Variants in RAB11FIP5 observed in about 807,000 individuals in gnomAD.
RAB11FIP5 encodes the protein rab11 family-interacting protein 5.
A neutral mutation model predicts 85.1 loss-of-function variants in RAB11FIP5; 48 were observed. That is an observed-to-expected ratio of 0.56 (90% CI 0.45 to 0.72). The LOEUF is 0.72. Ranked by LOEUF, RAB11FIP5 falls within the 30% of genes least tolerant of loss-of-function variation. The pLI is 0.00. For missense variants in RAB11FIP5, 1,491 were observed against 1,687.0 expected, an observed-to-expected ratio of 0.88 and a Z score of 2.04; for synonymous variants, 729 against 727.3, an observed-to-expected ratio of 1.00 and a Z score of -0.04.
Position 73,112,394 on chromosome 2 carries a change from C to G in RAB11FIP5, c.384G>C (p.Thr128=), listed in dbSNP as rs772589778. The G allele has an allele frequency of 4.4e-6, 7 of 1,601,136 alleles. No homozygotes were observed. In the Admixed American group the frequency reaches 6.7e-5, roughly 15 times the overall value. Residue 128 remains threonine (T), a synonymous_variant, in exon 1 of 6, where the codon ACG becomes ACC. Transcript: ENST00000486777. The part of the protein sequence containing the change: ...IGVDKFLGQA[T]VALDEVFGAG... ...CGCCGAAGACCTCGTCCAGCGCCACCGTGGCCTGGCCCAGGAACTTGTCGA... is the reference window on the plus strand; with the variant it reads ...CGCCGAAGACCTCGTCCAGCGCCACGGTGGCCTGGCCCAGGAACTTGTCGA...
chr2:73,112,707 G>A lies in RAB11FIP5; in HGVS notation c.71C>T (p.Thr24Met), dbSNP rs903561748. ...SRWLPTHVQV[T>M]VLRARGLRGK... ...CCGCAGCCCGCGGGCCCGCAGCACCGTCACCTGGACGTGCGTGGGCAGCCA... is the reference window on the plus strand; with the variant it reads ...CCGCAGCCCGCGGGCCCGCAGCACCATCACCTGGACGTGCGTGGGCAGCCA... The change falls in exon 1 of 6, where the codon ACG becomes ATG. Residue 24 changes from threonine to methionine, a missense_variant. Physicochemically the swap from Thr to Met is moderately conservative, Grantham distance 81. Transcript: ENST00000486777. 5 of 1,561,886 alleles carry A rather than the reference G, an allele frequency of 3.2e-6. No homozygotes were observed. In the East Asian group the frequency reaches 7.3e-5, roughly 23 times the overall value.
At position 73,080,346 on chromosome 2, in the gene RAB11FIP5, G is replaced by C; in HGVS notation, c.2886C>G (p.Asp962Glu). The C allele has an allele frequency of 8.1e-7, 1 of 1,232,806 alleles. No homozygotes were observed. The highest frequency in any genetic ancestry group is 1.0e-6 in the Non-Finnish European group (1 of 988,398). 76.4% of individuals were successfully genotyped at this position (1,232,806 alleles called of 1,614,324 possible). ...EGEKRESEES[D>E]SCSSATLLGQ... ...CCAGCAGGGTTGCAGAGGAGCAGCT[G>C]TCAGACTCCTCCGACTCACGCTTCT... Residue 962 changes from aspartate to glutamate, a missense_variant, in exon 4 of 6, where the codon GAC (aspartate) becomes GAG (glutamate). This residue lies in a region of RAB11FIP5 where 1,211 missense variants were observed against 1,338.0 expected (regional missense o/e 0.91). Coordinates refer to ENST00000486777, the MANE Select transcript of RAB11FIP5 (RefSeq NM_001371272.1).
At chr2:73,092,981 G>T (rs1684246162) in intron 1 of RAB11FIP5, among the ~76,000 whole-genome samples, 1 of 152,138 alleles carries the variant, frequency 6.6e-6, no homozygotes, top group Non-Finnish European at 1.5e-5. Flanking sequence ...AGCTGAGATG[G>T]CCACATCCTC....
chr2:73,079,998 T>C lies in RAB11FIP5; in HGVS notation c.3234A>G (p.Ser1078=). The change falls in exon 4 of 6, where the codon TCA becomes TCG. Residue 1078 remains serine, a synonymous_variant. Coordinates refer to ENST00000486777, the MANE Select transcript of RAB11FIP5 (RefSeq NM_001371272.1). The stretch of plus-strand genomic sequence containing the variant: ...CCCTCGACCCTGGCGGGGATGCAGA[T>C]GAGAGGCTGGGAGGATCTCGGCTCC... The part of the protein sequence containing the change: ...FQGSRDPPSL[S]SASPPGSRES... The C allele has an allele frequency of 1.6e-6, 2 of 1,232,122 alleles. No individual in the cohort carries two copies. Among genetic ancestry groups the C allele is most frequent in the Middle Eastern group, 3.1e-4 (1 of 3,208 alleles). 76.3% of individuals were successfully genotyped at this position (1,232,122 alleles called of 1,614,324 possible). A position where few individuals can be genotyped will look rare whatever the true frequency, so the allele number is the denominator to read the frequency against.
At chr2:73,083,669 T>G (rs1684042386) in intron 3 of RAB11FIP5, among the ~76,000 whole-genome samples, 1 of 152,172 alleles carries the variant, frequency 6.6e-6, no homozygotes, top group South Asian at 2.1e-4. Context: ...TCTCCCTTCA[T>G]TCCAGACAAG....
intron 1 of RAB11FIP5, among the ~76,000 whole-genome samples, chr2:73,111,833 C>A (rs1684661426): frequency 6.6e-6 from 1 of 152,156 alleles, no homozygotes; most frequent in South Asian, 2.1e-4. Context: ...GGCAGATGCC[C>A]CCTGCAGCCA....
intron 3 of RAB11FIP5, among the ~76,000 whole-genome samples, chr2:73,085,700 G>A (rs1004648322): frequency 6.6e-6 from 1 of 152,158 alleles, no homozygotes; most frequent in African/African-American, 2.4e-5. Context: ...TCTCAGCCCT[G>A]TATAGCCTCA....
At position 73,088,574 on chromosome 2, in the gene RAB11FIP5, G is replaced by C; in HGVS notation, c.1044C>G (p.Pro348=). 6.2e-7 allele frequency: 1 copy of C among 1,613,836 alleles called. No homozygotes were observed. The highest frequency in any genetic ancestry group is 8.5e-7 in the Non-Finnish European group (1 of 1,180,042). The change falls in exon 3 of 6, where the codon CCC becomes CCG. Residue 348 remains proline (P), a synonymous_variant. Coordinates refer to ENST00000486777, the MANE Select transcript of RAB11FIP5 (RefSeq NM_001371272.1). Reference sequence around the variant, plus strand: ...AGCTGCGGTGCCGCACAGGGCCCTGGGGCTCCTCATTGTAAATGTGGCTCC... The same window carrying C: ...AGCTGCGGTGCCGCACAGGGCCCTGCGGCTCCTCATTGTAAATGTGGCTCC... ...VNGSHIYNEE[P]QGPVRHRSSI...
Position 73,088,165 on chromosome 2 carries a change from C to G in RAB11FIP5, c.1453G>C (p.Glu485Gln), listed in dbSNP as rs59033238. The G allele has an allele frequency of 4.3e-6, 7 of 1,614,028 alleles. No individual in the cohort carries two copies. Among genetic ancestry groups the G allele is most frequent in the Non-Finnish European group, 5.1e-6 (6 of 1,180,022 alleles). The change falls in exon 3 of 6, where the codon GAA (glutamate) becomes CAA (glutamine). Residue 485 changes from glutamate to glutamine, a missense_variant. By Grantham distance (29) the Glu-to-Gln change is conservative. Transcript: ENST00000486777. Reference protein sequence around the residue: ...SELGRRSSLGEKGGPILGASP... With the variant: ...SELGRRSSLGQKGGPILGASP... ...GCCCCCAGGATGGGACCCCCCTTTT[C>G]CCCCAGAGAGCTTCGGCGACCCAAC...
chr2:73,101,421 G>A (rs1159300719), intron 1 of RAB11FIP5, among the ~76,000 whole-genome samples: 1 of 152,242 alleles, frequency 6.6e-6, no homozygotes, highest in African/African-American at 2.4e-5. Context: ...CAACTTGAAT[G>A]TGGGCTGGAT....
chr2:73,088,917 C>A lies in RAB11FIP5; in HGVS notation c.830G>T (p.Arg277Leu), dbSNP rs372149039. ...YQGPGAELLT[R>L]SPSRSSWLST... ...CAGCCAGCTGCTACGGCTTGGTGAG[C>A]GGGTGAGGAGTTCGGCGCCAGGTCC... Residue 277 changes from arginine (R) to leucine (L), a missense_variant, in exon 2 of 6, where the codon CGC becomes CTC. By Grantham distance (102) the Arg-to-Leu change is moderately radical. Transcript: ENST00000486777. The A allele has an allele frequency of 4.2e-5, 67 of 1,593,318 alleles. No homozygotes were observed. In the African/African-American group the frequency reaches 8.6e-4, roughly 20 times the overall value.
intron 1 of RAB11FIP5, among the ~76,000 whole-genome samples, chr2:73,091,674 G>C (rs201418957): frequency 2.0e-5 from 3 of 152,136 alleles, no homozygotes; most frequent in Non-Finnish European, 4.4e-5. Context: ...GTAGTATTTT[G>C]ATTATTTTTT....
Position 73,081,228 on chromosome 2 carries a change from G to T in RAB11FIP5, c.2004C>A (p.Ile668=), listed in dbSNP as rs1683972216. 1 of 1,232,364 alleles carries T rather than the reference G, an allele frequency of 8.1e-7. No individual in the cohort carries two copies. Among genetic ancestry groups the T allele is most frequent in the Non-Finnish European group, 1.0e-6 (1 of 988,172 alleles). The allele number at this position is 1,232,364 out of a possible 1,614,324, so 76.3% of individuals were successfully genotyped here. Residue 668 remains isoleucine (I), a synonymous_variant, in exon 4 of 6, where the codon ATC becomes ATA. Transcript: ENST00000486777. This position sits in a 1 kb window ranked among gnomAD's most constrained non-coding sequence, Gnocchi z 4.2. ...SRLRPEARSE[I]LAPAGVGLEA... is the part of the protein sequence containing the mutation. ...CCAGCCCCACTCCTGCAGGGGCCAG[G>T]ATCTCGCTCCTGGCCTCTGGACGCA...
rs1042639758 is a variant in RAB11FIP5 at position 73,081,173 on chromosome 2, C to T, written c.2059G>A (p.Gly687Arg). The change falls in exon 4 of 6, where the codon GGG (glycine) becomes AGG (arginine). Residue 687 changes from glycine to arginine, a missense_variant. Physicochemically the swap from Gly to Arg is moderately radical, Grantham distance 125 (BLOSUM62 -2). This residue lies in a region of RAB11FIP5 where 1,211 missense variants were observed against 1,338.0 expected (regional missense o/e 0.91). Transcript: ENST00000486777. The surrounding 1 kb of genome is among the most constrained non-coding windows in gnomAD (Gnocchi z 4.2). ...EAAGLQDPGP[G>R]AMTAKAAEPQ... ...TCAGCTGCCTTCGCAGTCATGGCCC[C>T]AGGGCCTGGGTCTTGCAGCCCTGCC... 5 of 1,232,498 alleles carry T rather than the reference C, an allele frequency of 4.1e-6. No individual in the cohort carries two copies. Among genetic ancestry groups the T allele is most frequent in the East Asian group, 3.2e-5 (1 of 31,714 alleles). The allele number at this position is 1,232,498 out of a possible 1,614,324, so 76.3% of individuals were successfully genotyped here.
At chr2:73,102,415 C>A (rs899626336) in intron 1 of RAB11FIP5, among the ~76,000 whole-genome samples, 2 of 152,134 alleles carry the variant, frequency 1.3e-5, no homozygotes, top group African/African-American at 4.8e-5. Context: ...TATTTCTCAC[C>A]ATTAATTAAT....
intron 1 of RAB11FIP5, among the ~76,000 whole-genome samples, chr2:73,099,034 T>G (rs76061135): frequency 7.3e-6 from 1 of 137,002 alleles, no homozygotes; most frequent in East Asian, 2.0e-4. Context: ...TGCTTTTTTG[T>G]TTTTTTTTTC....
In RAB11FIP5 at chr2:73,089,898, C is replaced by T. The variant is rs1465826819; in HGVS notation, c.432-583G>A. On this transcript the variant is annotated intron_variant, in intron 1 of 5. Transcript: ENST00000486777. The surrounding 1 kb of genome is among the most constrained non-coding windows in gnomAD (Gnocchi z 4.6). ...ATGTATGTATACACACACACACACA[C>T]ACACACACACACACACACCTCACTC... Among the ~76,000 whole-genome samples, 2 of 151,746 alleles carry T rather than the reference C, an allele frequency of 1.3e-5. No homozygotes were observed. Among genetic ancestry groups the T allele is most frequent in the African/African-American group, 2.4e-5 (1 of 41,246 alleles).
chr2:73,104,641 A>C (rs1684489826), intron 1 of RAB11FIP5, among the ~76,000 whole-genome samples: 1 of 152,172 alleles, frequency 6.6e-6, no homozygotes, highest in Non-Finnish European at 1.5e-5. Context: ...AGAGTGGCAC[A>C]CAGGGAACTA....
intron 3 of RAB11FIP5, among the ~76,000 whole-genome samples, chr2:73,085,821 G>A (rs1168850790): frequency 1.3e-5 from 2 of 152,182 alleles, no homozygotes; most frequent in African/African-American, 4.8e-5. Context: ...AGAGGGCGCC[G>A]CTGTTCTTCC....
Sources: gnomAD v4.1 joint callset for allele counts (sites outside exome capture counted in the v4.1 genomes callset) on GRCh38, gnomAD v4.1.1 for gene constraint, gnomAD v4.1.1 regional missense constraint, Gnocchi (gnomAD v3.1) non-coding constraint, MANE v1.5 for transcripts, NCBI Gene and HGNC (gene_info 2026-07-23, HGNC 2026-07-21) for gene names.